The following EYA1 variants were observed in gnomAD, a reference collection of about 807,000 sequenced individuals.
EYA1 encodes EYA transcriptional coactivator and phosphatase 1, also known as protein phosphatase EYA1.
In EYA1, 16 loss-of-function variants were observed where a neutral mutation model predicts 82.0. That is an observed-to-expected ratio of 0.20 (90% CI 0.13 to 0.30). EYA1 has a LOEUF of 0.30. EYA1 is among the 10% of genes least tolerant of loss of function. The pLI is 1.00. For synonymous variants in EYA1, 261 were observed against 264.4 expected (o/e 0.99, Z 0.12); for missense variants, 633 against 730.7 (o/e 0.87, Z 1.54).
chr8:71,360,358 TTTC>T (rs1471242863), intron 1 of EYA1, among the ~76,000 whole-genome samples: 1 of 152,202 alleles, frequency 6.6e-6, no homozygotes, highest in Non-Finnish European at 1.5e-5. Context: ...TGCAAGTGTT[TTTC>T]TTCTTTACAA....
chr8:71,511,746 T>C lies in EYA1; in HGVS notation c.33+23998A>G, dbSNP rs573151176. Among the ~76,000 whole-genome samples the C allele has an allele frequency of 1.2e-4, 18 of 152,344 alleles. 1 individual carries two copies. The East Asian group carries it at 3.1e-3, about 26-fold the overall frequency. On this transcript the variant is annotated intron_variant, in intron 2 of 18. Transcript: ENST00000643681. ...CATGTGGTCACTGTTGTTTATGTTG[T>C]CATTTAATAAATCAAGCCTCACGAT...
intron 3 of EYA1, among the ~76,000 whole-genome samples, chr8:71,354,148 A>G (rs1826601020): frequency 6.6e-6 from 1 of 152,148 alleles, no homozygotes; most frequent in African/African-American, 2.4e-5. Context: ...AAATATTCAT[A>G]TGTATTAATT....
chr8:71,303,580 C>T (rs1394285076), intron 7 of EYA1, among the ~76,000 whole-genome samples: 1 of 140,572 alleles, frequency 7.1e-6, no homozygotes, highest in Non-Finnish European at 1.6e-5. Flanking sequence ...TTTTTCACGA[C>T]CAGAATCAAG....
chr8:71,240,928 C>G (rs745334364), intron 12 of EYA1, among the ~76,000 whole-genome samples: 7 of 152,080 alleles, frequency 4.6e-5, no homozygotes, highest in Non-Finnish European at 8.8e-5. Flanking sequence ...TCATACTTTA[C>G]CAAAGAAGCT....
intron 2 of EYA1, among the ~76,000 whole-genome samples, chr8:71,368,348 C>T (rs1445362919): frequency 1.3e-5 from 2 of 152,082 alleles, no homozygotes; most frequent in African/African-American, 2.4e-5. Flanking sequence ...GAAAGATCCG[C>T]AAAGCCCCCA....
chr8:71,396,334 C>G (rs202052757), intron 2 of EYA1, among the ~76,000 whole-genome samples: 2 of 152,128 alleles, frequency 1.3e-5, no homozygotes, highest in African/African-American at 4.8e-5. Context: ...CTTCTGCTAG[C>G]TTTTGAATGT....
At chr8:71,343,427 G>C (rs563550876) in intron 3 of EYA1, among the ~76,000 whole-genome samples, 1 of 152,140 alleles carries the variant, frequency 6.6e-6, no homozygotes, top group Non-Finnish European at 1.5e-5. Context: ...CCACCCTCAC[G>C]AATGTATTAA....
chr8:71,447,538 TTCTA>T (rs1806989268), intron 2 of EYA1, among the ~76,000 whole-genome samples: 1 of 152,184 alleles, frequency 6.6e-6, no homozygotes, highest in South Asian at 2.1e-4. Context: ...ATTTTAAAAT[TTCTA>T]TCTAATTATA....
chr8:71,484,829 T>A (rs1810438931), intron 2 of EYA1, among the ~76,000 whole-genome samples: 1 of 152,206 alleles, frequency 6.6e-6, no homozygotes, highest in African/African-American at 2.4e-5. Context: ...CCTCCTTCCA[T>A]CTGGCAGCTG....
At chr8:71,471,688 A>G (rs1809222909) in intron 2 of EYA1, among the ~76,000 whole-genome samples, 1 of 152,088 alleles carries the variant, frequency 6.6e-6, no homozygotes, top group South Asian at 2.1e-4. Flanking sequence ...CACAGCATGG[A>G]GCTTCTACCT....
intron 2 of EYA1, among the ~76,000 whole-genome samples, chr8:71,492,614 A>T (rs369583992): frequency 2.0e-5 from 3 of 151,936 alleles, no homozygotes; most frequent in East Asian, 3.9e-4. Flanking sequence ...ACAGGCGCCC[A>T]CCACCACGCC....
chr8:71,406,645 C>A (rs1268031867), intron 2 of EYA1, among the ~76,000 whole-genome samples: 1 of 152,178 alleles, frequency 6.6e-6, no homozygotes, highest in Non-Finnish European at 1.5e-5. Flanking sequence ...CACTCTCACC[C>A]GAATATTGCG....
intron 2 of EYA1, among the ~76,000 whole-genome samples, chr8:71,469,286 G>T (rs189943204): frequency 6.6e-6 from 1 of 152,194 alleles, no homozygotes; most frequent in East Asian, 1.9e-4. Context: ...AGAAATGTCA[G>T]TGACTTCTTA....
chr8:71,367,428 C>G (rs1198193280), intron 2 of EYA1, among the ~76,000 whole-genome samples: 1 of 151,918 alleles, frequency 6.6e-6, no homozygotes, highest in Non-Finnish European at 1.5e-5. Context: ...TCAAGAAGCT[C>G]TATTATTACT....
At chr8:71,496,810 ATTATTG>A (rs1811447384) in intron 2 of EYA1, among the ~76,000 whole-genome samples, 1 of 152,072 alleles carries the variant, frequency 6.6e-6, no homozygotes, top group Non-Finnish European at 1.5e-5. Context: ...ATTACCACCA[ATTATTG>A]TTGGTCAATT....
chr8:71,231,078 T>C (rs1443380638), intron 12 of EYA1, among the ~76,000 whole-genome samples: 1 of 152,180 alleles, frequency 6.6e-6, no homozygotes, highest in Non-Finnish European at 1.5e-5. Context: ...CTCTACCTTA[T>C]TGCTCAAGCC....
intron 2 of EYA1, among the ~76,000 whole-genome samples, chr8:71,509,229 AAAAT>A (rs751208748): frequency 1.3e-5 from 2 of 152,080 alleles, no homozygotes. Context: ...ACCCGGTCTC[AAAAT>A]AAATAAATAA....
chr8:71,363,842 A>G (rs1017379234), upstream of EYA1, among the ~76,000 whole-genome samples: 1 of 152,126 alleles, frequency 6.6e-6, no homozygotes, highest in Non-Finnish European at 1.5e-5. Flanking sequence ...TAGCTATTGT[A>G]TTCATGCTTC....
intron 2 of EYA1, among the ~76,000 whole-genome samples, chr8:71,515,845 T>G (rs1812938275): frequency 6.6e-6 from 1 of 152,192 alleles, no homozygotes; most frequent in Non-Finnish European, 1.5e-5. Flanking sequence ...AAATTCTTAT[T>G]TATTTTCTAT....
Sources: allele counts gnomAD v4.1 joint callset (sites outside exome capture counted in the v4.1 genomes callset), GRCh38; gene constraint gnomAD v4.1.1; transcripts MANE v1.5; gene names NCBI Gene and HGNC (gene_info 2026-07-23, HGNC 2026-07-21).